Variants in SMCHD1 observed in about 807,000 individuals in gnomAD.
SMCHD1 encodes the protein structural maintenance of chromosomes flexible hinge domain containing 1.
SMCHD1 carries 78 observed loss-of-function variants against 254.7 expected under a neutral mutation model. That is an observed-to-expected ratio of 0.31 (90% CI 0.26 to 0.37). SMCHD1 has a LOEUF of 0.37. Ranked by LOEUF, SMCHD1 falls within the 10% of genes least tolerant of loss-of-function variation. The probability of loss-of-function intolerance (pLI) is 1.00; values close to 1 mark genes in which losing one functional copy is unlikely to be tolerated. For missense variants in SMCHD1, 1,840 were observed against 2,408.1 expected, an observed-to-expected ratio of 0.76 and a Z score of 4.94; for synonymous variants, 766 against 794.9, an observed-to-expected ratio of 0.96 and a Z score of 0.61.
Position 2,707,826 on chromosome 18 carries a change from A to C in SMCHD1, c.2166A>C (p.Ile722=). 2 of 1,606,676 alleles carry C rather than the reference A, an allele frequency of 1.2e-6. No individual in the cohort carries two copies. Among genetic ancestry groups the C allele is most frequent in the Non-Finnish European group, 1.7e-6 (2 of 1,176,852 alleles). ...TCATAGGTGCGTTAAGAATTGAAAT[A>C]CTGAATAAAAAAGGGGAAGCAATGC... is the stretch of plus-strand genomic sequence containing the variant. ...GTPIGALRIE[I]LNKKGEAMQK... Residue 722 remains isoleucine (I), a synonymous_variant, in exon 17 of 48, where the codon ATA becomes ATC. Transcript: ENST00000320876.
Position 2,697,136 on chromosome 18 carries a change from C to T in SMCHD1, c.1131+14C>T. On this transcript the variant is annotated intron_variant, in intron 9 of 47. Coordinates refer to ENST00000320876, the MANE Select transcript of SMCHD1 (RefSeq NM_015295.3). ...ATTGATATTGAAGTAAGAGAAAAAT[C>T]CATCTTAAAATAATAAAAATTATGA... 1 of 1,255,320 alleles carries T rather than the reference C, an allele frequency of 8.0e-7. No individual in the cohort carries two copies. Among genetic ancestry groups the T allele is most frequent in the Non-Finnish European group, 1.1e-6 (1 of 911,308 alleles). 77.8% of individuals were successfully genotyped at this position (1,255,320 alleles called of 1,614,324 possible).
intron 47 of SMCHD1, chr18:2,801,004 C>A (rs1187113450): frequency 6.6e-6 from 1 of 152,028 alleles, no homozygotes; most frequent in Non-Finnish European, 1.5e-5. Flanking sequence ...AATATTGTTG[C>A]TGAAATAAAA....
intron 47 of SMCHD1, among the ~76,000 whole-genome samples, chr18:2,799,325 C>T (rs1375176108): frequency 6.6e-6 from 1 of 152,068 alleles, no homozygotes; most frequent in Non-Finnish European, 1.5e-5. Flanking sequence ...GGACTAGCTA[C>T]GTTGCAAGTA....
chr18:2,784,223 C>T (rs575303146), intron 44 of SMCHD1, among the ~76,000 whole-genome samples: 3 of 152,278 alleles, frequency 2.0e-5, no homozygotes, highest in African/African-American at 7.2e-5. Flanking sequence ...TTTTCACTTG[C>T]GTTGTCACTG....
Position 2,681,221 on chromosome 18 carries a change from T to C in SMCHD1, c.638+7076T>C, listed in dbSNP as rs545047247. ...TGAGGTCAGGAGTTCAAGACCAGCC[T>C]GGCCTTCATGGCGAAACGCTGTCTC... On this transcript the variant is annotated intron_variant, in intron 5 of 47. Coordinates refer to ENST00000320876, the MANE Select transcript of SMCHD1 (RefSeq NM_015295.3). Among the ~76,000 whole-genome samples, 8 of 152,260 alleles carry C rather than the reference T, an allele frequency of 5.3e-5. No individual in the cohort carries two copies. In the South Asian group the frequency reaches 1.4e-3, roughly 28 times the overall value.
At chr18:2,673,466 A>G (rs961094389) in intron 4 of SMCHD1, 103 bp downstream of exon 4, 3 of 873,416 alleles carry the variant, frequency 3.4e-6, no homozygotes, top group East Asian at 2.9e-5. Context: ...AAAAGTAGAA[A>G]TAATTGTCAG....
Position 2,706,390 on chromosome 18 carries a change from A to G in SMCHD1, c.1983A>G (p.Val661=). 2 of 1,588,672 alleles carry G rather than the reference A, an allele frequency of 1.3e-6. No homozygotes were observed. Among genetic ancestry groups the G allele is most frequent in the Non-Finnish European group, 1.7e-6 (2 of 1,166,716 alleles). Residue 661 remains valine, a synonymous_variant, in exon 15 of 48, where the codon GTA becomes GTG. Coordinates refer to ENST00000320876, the MANE Select transcript of SMCHD1 (RefSeq NM_015295.3). ...AMEPQALYDE[V]RTVPIAKLDR... ...AACCTCAGGCACTATATGATGAAGT[A>G]AGAACTGTGCCAATTGCAAAGCTGG...
chr18:2,743,346 G>A (rs547571749), intron 28 of SMCHD1, among the ~76,000 whole-genome samples: 1 of 152,232 alleles, frequency 6.6e-6, no homozygotes, highest in South Asian at 2.1e-4. Flanking sequence ...ATGCCAATAA[G>A]TAAGGTGATC....
chr18:2,697,779 A>G, intron 9 of SMCHD1, 52 bp from the exon 10 acceptor site: 1 of 1,251,202 alleles, frequency 8.0e-7, no homozygotes, highest in Middle Eastern at 1.9e-4. Context: ...AGCTGAGAAC[A>G]AAAGTAAAGT....
chr18:2,740,870 T>A lies in SMCHD1; in HGVS notation c.3633+49T>A, dbSNP rs1337417883. ...TTGGTTTGATTTATTCATTGTTATA[T>A]GTGTAACAAAAAGTTTGGGAAAAAC... is the stretch of plus-strand genomic sequence containing the variant. On this transcript the variant is annotated intron_variant, in intron 28 of 47. Coordinates refer to ENST00000320876, the MANE Select transcript of SMCHD1 (RefSeq NM_015295.3). 3 of 1,048,090 alleles carry A rather than the reference T, an allele frequency of 2.9e-6. No homozygotes were observed. In the African/African-American group the frequency reaches 4.9e-5, roughly 17 times the overall value. 64.9% of individuals were successfully genotyped at this position (1,048,090 alleles called of 1,614,324 possible).
intron 41 of SMCHD1, among the ~76,000 whole-genome samples, chr18:2,772,894 T>TAA (rs1444909429): frequency 5.3e-5 from 8 of 152,284 alleles, no homozygotes; most frequent in Non-Finnish European, 1.0e-4. Context: ...TCTTTGGTTA[T>TAA]TGCCTTTGCA....
chr18:2,695,311 T>A (rs1210049789), intron 8 of SMCHD1, among the ~76,000 whole-genome samples: 7 of 112,006 alleles, frequency 6.2e-5, no homozygotes, highest in African/African-American at 4.3e-4. Context: ...AAAAAAAAAT[T>A]TTTTTTTTTT....
intron 29 of SMCHD1, among the ~76,000 whole-genome samples, chr18:2,746,895 A>T (rs1314969231): frequency 6.6e-6 from 1 of 152,198 alleles, no homozygotes; most frequent in Non-Finnish European, 1.5e-5. Context: ...TTCTAGATTT[A>T]TACAGCCTTA....
chr18:2,662,907 C>T (rs779770994), intron 1 of SMCHD1, among the ~76,000 whole-genome samples: 2 of 151,390 alleles, frequency 1.3e-5, no homozygotes, highest in Non-Finnish European at 2.9e-5. Flanking sequence ...AAATTAATTA[C>T]TTTCTTTATG....
intron 40 of SMCHD1, 64 bp downstream of exon 40, chr18:2,771,682 A>G (rs2075987281): frequency 3.9e-6 from 5 of 1,293,876 alleles, no homozygotes; most frequent in Admixed American, 2.8e-5. Flanking sequence ...TTTCTCAATT[A>G]TTCAGTTTTT....
rs1223081234 is a variant in SMCHD1, at chr18:2,695,663, C to G, written c.1040+970C>G. On this transcript the variant is annotated intron_variant, in intron 8 of 47. Coordinates refer to ENST00000320876, the MANE Select transcript of SMCHD1 (RefSeq NM_015295.3). ...ACATACGATTTACTGTATTGTTTCC[C>G]TAATTTGCATTAGTATGAATTACTG... 3.3e-5 allele frequency among the ~76,000 whole-genome samples: 5 copies of G among 151,976 alleles called. No individual in the cohort carries two copies. The South Asian group carries it at 8.3e-4, about 25-fold the overall frequency.
At position 2,743,920 on chromosome 18, in the gene SMCHD1, C is replaced by G. The variant is rs1405054780; in HGVS notation, c.3793C>G (p.Leu1265Val). ...ACTTCTCCTTATAGACTGGCCAGAA[C>G]TAAAGGAGGTAAGTCACTTCATGTC... ...AKLLLIDWPELKESIPVINGR... is the reference protein window; with the variant it reads ...AKLLLIDWPEVKESIPVINGR... The change falls in exon 29 of 48, where the codon CTA (leucine) becomes GTA (valine). Residue 1265 changes from leucine to valine, a missense_variant. Coordinates refer to ENST00000320876, the MANE Select transcript of SMCHD1 (RefSeq NM_015295.3). 1 of 1,606,732 alleles carries G rather than the reference C, an allele frequency of 6.2e-7. No individual in the cohort carries two copies. The highest frequency in any genetic ancestry group is 1.3e-5 in the African/African-American group (1 of 74,456).
chr18:2,771,253 C>T (rs556000021), intron 39 of SMCHD1, among the ~76,000 whole-genome samples: 4 of 152,200 alleles, frequency 2.6e-5, no homozygotes, highest in Admixed American at 6.5e-5. Context: ...TATGTATACT[C>T]GTGGATTAAG....
intron 1 of SMCHD1, among the ~76,000 whole-genome samples, chr18:2,658,929 TATATACAC>T (rs1294162513): frequency 1.4e-4 from 20 of 146,622 alleles, no homozygotes; most frequent in South Asian, 8.8e-4. Context: ...TATATACACA[TATATACAC>T]ATATATATAC....
Sources: gnomAD v4.1 joint callset for allele counts (sites outside exome capture counted in the v4.1 genomes callset) on GRCh38, gnomAD v4.1.1 for gene constraint, MANE v1.5 for transcripts, NCBI Gene and HGNC (gene_info 2026-07-23, HGNC 2026-07-21) for gene names.